SIPA1L1: variants seen among roughly 807,000 people sequenced by gnomAD.
SIPA1L1 encodes the protein signal induced proliferation associated 1 like 1.
In SIPA1L1, 26 loss-of-function variants were observed where a neutral mutation model predicts 162.7. The ratio of observed to expected loss-of-function variants is 0.16; its 90% CI spans 0.12 to 0.22. The LOEUF (loss-of-function observed/expected upper bound fraction) is 0.22. Among genes scored for constraint, SIPA1L1 ranks in the 10% least tolerant of loss-of-function variants. The pLI is 1.00. For synonymous variants in SIPA1L1, 829 were observed against 837.4 expected, an observed-to-expected ratio of 0.99 and a Z score of 0.17; for missense variants, 1,874 against 2,241.0, an observed-to-expected ratio of 0.84 and a Z score of 3.31.
At chr14:71,375,241 T>C (rs1250406223) in intron 2 of SIPA1L1, among the ~76,000 whole-genome samples, 1 of 152,134 alleles carries the variant, frequency 6.6e-6, no homozygotes, top group Non-Finnish European at 1.5e-5. Context: ...TCTTGGGCTT[T>C]TTCCTTTGGT....
chr14:71,399,415 T>C (rs1026309570), intron 2 of SIPA1L1, among the ~76,000 whole-genome samples: 1 of 152,236 alleles, frequency 6.6e-6, no homozygotes, highest in Non-Finnish European at 1.5e-5. Flanking sequence ...GTTGCTGCTG[T>C]TGTTTTTGAA....
chr14:71,396,583 GGT>G (rs1215334207), intron 2 of SIPA1L1, among the ~76,000 whole-genome samples: 1 of 152,058 alleles, frequency 6.6e-6, no homozygotes, highest in African/African-American at 2.4e-5. Flanking sequence ...TGGTCCAAGT[GGT>G]CAGTTATCTG....
chr14:71,506,065 C>G (rs2050643119), intron 2 of SIPA1L1, among the ~76,000 whole-genome samples: 1 of 151,588 alleles, frequency 6.6e-6, no homozygotes, highest in Non-Finnish European at 1.5e-5. Context: ...TGTTTTCCAC[C>G]TTAACATGGT....
intron 2 of SIPA1L1, among the ~76,000 whole-genome samples, chr14:71,417,496 A>AAAAAAAAAAAAAAAAAAAAAAAAAAAAT (rs2042879695): frequency 6.8e-6 from 1 of 147,204 alleles, no homozygotes; most frequent in Non-Finnish European, 1.5e-5. Context: ...AAAAAAAAAA[A>AAAAAAAAAAAAAAAAAAAAAAAAAAAAT]AAAAAAAGAA....
intron 2 of SIPA1L1, among the ~76,000 whole-genome samples, chr14:71,364,566 T>C (rs542349418): frequency 1.2e-4 from 18 of 152,296 alleles, no homozygotes; most frequent in Admixed American, 9.8e-4. Flanking sequence ...TATATGAATA[T>C]ATCACAGTTT....
intron 5 of SIPA1L1, among the ~76,000 whole-genome samples, chr14:71,600,726 T>A (rs935211212): frequency 6.6e-6 from 1 of 152,354 alleles, no homozygotes. Flanking sequence ...GCATGGGACA[T>A]GTTTGTGTAT....
At chr14:71,450,064 A>G (rs1432427802) in intron 2 of SIPA1L1, among the ~76,000 whole-genome samples, 3 of 152,206 alleles carry the variant, frequency 2.0e-5, no homozygotes, top group Non-Finnish European at 4.4e-5. Context: ...CTTAAAAAAT[A>G]AAAATTATCC....
At chr14:71,459,458 CAG>C (rs142623080) in intron 2 of SIPA1L1, among the ~76,000 whole-genome samples, 255 of 146,564 alleles carry the variant, frequency 1.7e-3, no homozygotes, top group Non-Finnish European at 1.6e-3. Context: ...TCTATCCATC[CAG>C]AGAGAGAGAG....
At chr14:71,639,672 A>T (rs576032746) in intron 7 of SIPA1L1, among the ~76,000 whole-genome samples, 1 of 152,214 alleles carries the variant, frequency 6.6e-6, no homozygotes, top group Non-Finnish European at 1.5e-5. Context: ...TGATTTCAAG[A>T]CATGTTATAT....
chr14:71,521,046 G>A (rs1194863961), intron 3 of SIPA1L1, among the ~76,000 whole-genome samples: 1 of 152,168 alleles, frequency 6.6e-6, no homozygotes, highest in East Asian at 1.9e-4. Context: ...GAGCCAGTGT[G>A]CCCAGCCTAG....
At chr14:71,498,697 T>C in intron 2 of SIPA1L1, among the ~76,000 whole-genome samples, 1 of 152,210 alleles carries the variant, frequency 6.6e-6, no homozygotes, top group Non-Finnish European at 1.5e-5. Flanking sequence ...ATCTTGAGTT[T>C]GGGTAGTTTT....
chr14:71,591,531 TC>T (rs2147716707), intron 5 of SIPA1L1, among the ~76,000 whole-genome samples: 1 of 152,304 alleles, frequency 6.6e-6, no homozygotes, highest in Non-Finnish European at 1.5e-5. Context: ...TACCCACTAA[TC>T]CAGTAGTTAC....
At chr14:71,487,280 A>C (rs1407356886) in intron 2 of SIPA1L1, among the ~76,000 whole-genome samples, 1 of 152,088 alleles carries the variant, frequency 6.6e-6, no homozygotes, top group East Asian at 1.9e-4. Flanking sequence ...TTAGTGGCTT[A>C]GGTGTTCCTA....
At chr14:71,504,097 G>C (rs575779853) in intron 2 of SIPA1L1, among the ~76,000 whole-genome samples, 1 of 151,858 alleles carries the variant, frequency 6.6e-6, no homozygotes, top group African/African-American at 2.4e-5. Flanking sequence ...GAGCCATCGC[G>C]CCCAGTCCTA....
At position 71,407,757 on chromosome 14, in the gene SIPA1L1, T is replaced by A. The variant is rs936809389; in HGVS notation, c.-465+86576T>A. Among the ~76,000 whole-genome samples, 4 of 152,226 alleles carry A rather than the reference T, an allele frequency of 2.6e-5. No homozygotes were observed. In the East Asian group the frequency reaches 7.7e-4, roughly 29 times the overall value. ...TATACCATTTTGTATGTCCTTTTAT[T>A]TCTTTTATACTGTAGCATTTTCTTT... On this transcript the variant is annotated intron_variant, in intron 2 of 23. Coordinates refer to ENST00000381232, the MANE Select transcript of SIPA1L1 (RefSeq NM_001386936.1).
chr14:71,450,163 G>A (rs567140222), intron 2 of SIPA1L1, among the ~76,000 whole-genome samples: 1 of 152,076 alleles, frequency 6.6e-6, no homozygotes, highest in African/African-American at 2.4e-5. Context: ...ATTCTTGATA[G>A]TGTGTTTATG....
chr14:71,558,901 C>G (rs1267406400), intron 4 of SIPA1L1, among the ~76,000 whole-genome samples: 1 of 152,120 alleles, frequency 6.6e-6, no homozygotes, highest in Non-Finnish European at 1.5e-5. Flanking sequence ...CAAGGCTGAT[C>G]TCAAGCTCCT....
intron 4 of SIPA1L1, among the ~76,000 whole-genome samples, chr14:71,586,046 A>G (rs1260921724): frequency 6.6e-6 from 1 of 152,214 alleles, no homozygotes; most frequent in Non-Finnish European, 1.5e-5. Flanking sequence ...AGAAGTATCT[A>G]GAAAGCTCAA....
intron 2 of SIPA1L1, among the ~76,000 whole-genome samples, chr14:71,432,058 CTTTCTTTTTTTCTT>C (rs948666309): frequency 6.6e-6 from 1 of 151,808 alleles, no homozygotes; most frequent in Non-Finnish European, 1.5e-5. Context: ...GTGCTTCTTG[CTTTCTTTTTTTCTT>C]TTTCTTTTTT....
Sources: allele counts gnomAD v4.1 joint callset (sites outside exome capture counted in the v4.1 genomes callset), GRCh38; gene constraint gnomAD v4.1.1; transcripts MANE v1.5; gene names NCBI Gene and HGNC (gene_info 2026-07-23, HGNC 2026-07-21).